Variants in TJP2 observed in about 807,000 individuals in gnomAD.
The protein encoded by TJP2 is tight junction protein 2.
In TJP2, 91 loss-of-function variants were observed where a neutral mutation model predicts 133.1. The ratio of observed to expected loss-of-function variants is 0.68; its 90% confidence interval spans 0.58 to 0.81. The LOEUF is 0.81. TJP2 is among the 40% of genes least tolerant of loss of function. The pLI, the probability that TJP2 is intolerant of heterozygous loss-of-function variation, is 0.00. For synonymous variants in TJP2, 592 were observed against 583.4 expected, an observed-to-expected ratio of 1.01 and a Z score of -0.21; for missense variants, 1,541 against 1,565.6, an observed-to-expected ratio of 0.98 and a Z score of 0.26.
chr9:69,230,427 C>T (rs1829687195), intron 11 of TJP2, among the ~76,000 whole-genome samples, 195 bp downstream of exon 11: 1 of 152,180 alleles, frequency 6.6e-6, no homozygotes, highest in Non-Finnish European at 1.5e-5. Flanking sequence ...CAGAACTCAT[C>T]CATGTATCTG....
At chr9:69,176,437 GA>G (rs751915617) in intron 1 of TJP2, among the ~76,000 whole-genome samples, 2 of 152,158 alleles carry the variant, frequency 1.3e-5, no homozygotes, top group African/African-American at 4.8e-5. Flanking sequence ...AGGTGTCCAG[GA>G]AAAAACTGAA....
At chr9:69,176,149 G>A (rs1825069133) in intron 1 of TJP2, among the ~76,000 whole-genome samples, 1 of 152,182 alleles carries the variant, frequency 6.6e-6, no homozygotes, top group African/African-American at 2.4e-5. Flanking sequence ...GGTCCTATAT[G>A]CATTCCCTTC....
chr9:69,162,524 CTA>C (rs1213422458), intron 2 of TJP2, among the ~76,000 whole-genome samples: 1 of 152,150 alleles, frequency 6.6e-6, no homozygotes, highest in East Asian at 1.9e-4. Context: ...AAATTGTCCT[CTA>C]TACTAGTTTG....
rs558585212 is a variant in TJP2, at chr9:69,198,481, A to G, written c.61-14067A>G. ...TTTATTATCTATTTAAATGCACGCTAAAAAATTTACCTTAGGTAAATAAAG... is the reference window on the plus strand; with the variant it reads ...TTTATTATCTATTTAAATGCACGCTGAAAAATTTACCTTAGGTAAATAAAG... On this transcript the variant is annotated intron_variant, in intron 1 of 22. Coordinates refer to ENST00000377245, the MANE Select transcript of TJP2 (RefSeq NM_004817.4). Among the ~76,000 whole-genome samples the G allele has an allele frequency of 1.1e-4, 16 of 152,350 alleles. No homozygotes were observed. In the South Asian group the frequency reaches 3.3e-3, roughly 32 times the overall value.
At chr9:69,153,793 A>G (rs904117321) in intron 2 of TJP2, among the ~76,000 whole-genome samples, 6 of 152,204 alleles carry the variant, frequency 3.9e-5, no homozygotes, top group African/African-American at 1.4e-4. Flanking sequence ...TATGAACTGC[A>G]TGCCTTTCCA....
chr9:69,225,874 C>T (rs983270424), intron 6 of TJP2, 148 bp from the exon 7 acceptor site: 81 of 821,854 alleles, frequency 9.9e-5, no homozygotes, highest in Middle Eastern at 3.5e-4. Context: ...TTAATTTAAA[C>T]GACAATTCAT....
At chr9:69,216,105 TCAATCTTTTC>T (rs1453707329) in intron 2 of TJP2, among the ~76,000 whole-genome samples, 1 of 152,184 alleles carries the variant, frequency 6.6e-6, no homozygotes, top group Non-Finnish European at 1.5e-5. Context: ...GTCTGCACTA[TCAATCTTTTC>T]CAGCCTCTAC....
intron 1 of TJP2, among the ~76,000 whole-genome samples, chr9:69,135,335 C>T (rs1822684714): frequency 6.6e-6 from 1 of 152,206 alleles, no homozygotes; most frequent in African/African-American, 2.4e-5. Flanking sequence ...CCCCGGTTTA[C>T]AGATGAGGAA....
At chr9:69,176,965 T>A (rs1825137316) in intron 1 of TJP2, among the ~76,000 whole-genome samples, 1 of 151,314 alleles carries the variant, frequency 6.6e-6, no homozygotes, top group Admixed American at 6.6e-5. Flanking sequence ...GAAGTTTGGG[T>A]GTGGTGGGGG....
At chr9:69,237,304 T>C (rs1283262291) in intron 14 of TJP2, among the ~76,000 whole-genome samples, 168 bp downstream of exon 14, 1 of 152,216 alleles carries the variant, frequency 6.6e-6, no homozygotes, top group Admixed American at 6.5e-5. Flanking sequence ...TATAAAAAGC[T>C]GTTTCAGTTC....
Position 69,190,169 on chromosome 9 carries a change from A to G in TJP2, c.60+15737A>G, listed in dbSNP as rs184080787. On this transcript the variant is annotated intron_variant, in intron 1 of 22. Transcript: ENST00000377245. ...CAGTTTGCTTTGAGTTGTGGGTGCC[A>G]CCTCCCTCACTGTCTTTTTCTGAGG... Among the ~76,000 whole-genome samples, 1,092 of 152,148 alleles carry G rather than the reference A, an allele frequency of 7.2e-3. 3 individuals are homozygous for G. Among genetic ancestry groups the G allele is most frequent in the Non-Finnish European group, 0.012 (827 of 68,000 alleles).
chr9:69,230,279 C>A (rs768386723), intron 11 of TJP2, 47 bp downstream of exon 11: 3 of 1,611,394 alleles, frequency 1.9e-6, no homozygotes, highest in Non-Finnish European at 2.5e-6. Context: ...GTAAGGAGTG[C>A]ACTTTTCTGG....
intron 1 of TJP2, among the ~76,000 whole-genome samples, chr9:69,179,493 A>G (rs938680374): frequency 1.3e-5 from 2 of 149,082 alleles, no homozygotes; most frequent in Non-Finnish European, 3.0e-5. Flanking sequence ...AAAGTAAGTT[A>G]CTTTTTTCTT....
chr9:69,179,645 G>A (rs1042871384), intron 1 of TJP2, among the ~76,000 whole-genome samples: 6 of 151,740 alleles, frequency 4.0e-5, no homozygotes, highest in East Asian at 1.9e-4. Context: ...GACTACAGGC[G>A]CCCGCCACCA....
At chr9:69,153,128 G>A (rs1823570430) in intron 2 of TJP2, among the ~76,000 whole-genome samples, 1 of 151,988 alleles carries the variant, frequency 6.6e-6, no homozygotes, top group African/African-American at 2.4e-5. Context: ...AGCTACATGA[G>A]AAGCTGAGGT....
chr9:69,212,467 A>C (rs1192855285), intron 1 of TJP2, 81 bp from the exon 2 acceptor site: 2 of 1,062,724 alleles, frequency 1.9e-6, no homozygotes, highest in African/African-American at 1.6e-5. Context: ...CTTTATGTCG[A>C]GGCATTTTGA....
chr9:69,145,174 TG>T (rs1256136382), intron 1 of TJP2, among the ~76,000 whole-genome samples: 1 of 152,250 alleles, frequency 6.6e-6, no homozygotes, highest in Non-Finnish European at 1.5e-5. Context: ...GAGTTTATAG[TG>T]CTTAGAAATG....
rs754059164 is a variant in TJP2 at position 69,221,127 on chromosome 9, C to T, written c.583C>T (p.Arg195Trp). 6 of 1,587,944 alleles carry T rather than the reference C, an allele frequency of 3.8e-6. No individual in the cohort carries two copies. Among genetic ancestry groups the T allele is most frequent in the South Asian group, 3.4e-5 (3 of 88,008 alleles). Residue 195 changes from arginine to tryptophan, a missense_variant, in exon 5 of 23, where the codon CGG (arginine) becomes TGG (tryptophan). Transcript: ENST00000377245. ...CCGGGAGCGGGACCTCAGCCGGGAC[C>T]GGAGCCGTGGCCGGAGCCTGGAGCG... ...RSRERDLSRD[R>W]SRGRSLERGL...
chr9:69,234,401 T>TC (rs377250087), intron 11 of TJP2, 38 bp from the exon 12 acceptor site: 152 of 1,305,858 alleles, frequency 1.2e-4, no homozygotes, highest in African/African-American at 4.5e-4. Context: ...TTTCTTTCTT[T>TC]TTTTTTTTTT....
Sources: gnomAD v4.1 joint callset for allele counts (sites outside exome capture counted in the v4.1 genomes callset) on GRCh38, gnomAD v4.1.1 for gene constraint, MANE v1.5 for transcripts, NCBI Gene and HGNC (gene_info 2026-07-23, HGNC 2026-07-21) for gene names.